Variants in ABCA12 observed in about 807,000 individuals in gnomAD.
ABCA12 encodes the protein ATP binding cassette subfamily A member 12, also known as glucosylceramide transporter ABCA12.
ABCA12 carries 156 observed loss-of-function variants against 293.5 expected under a neutral mutation model. The observed-to-expected ratio is 0.53, with a 90% confidence interval of 0.47 to 0.61. The LOEUF (loss-of-function observed/expected upper bound fraction) is 0.61, where lower values mean the gene tolerates loss of function less well. Ranked by LOEUF, ABCA12 falls within the 20% of genes least tolerant of loss-of-function variation. The pLI is 0.00. For synonymous variants in ABCA12, 1,063 were observed against 1,108.0 expected (o/e 0.96, Z 0.81); for missense variants, 2,797 against 3,090.2 (o/e 0.91, Z 2.25).
chr2:215,112,153 A>C (rs1468858725), intron 1 of ABCA12, among the ~76,000 whole-genome samples: 2 of 152,186 alleles, frequency 1.3e-5, no homozygotes, highest in Non-Finnish European at 2.9e-5. Context: ...TGGTGTGTGA[A>C]GTGGGTCATG....
chr2:215,113,888 CATT>C (rs1021667833), intron 1 of ABCA12, among the ~76,000 whole-genome samples: 1 of 152,180 alleles, frequency 6.6e-6, no homozygotes, highest in African/African-American at 2.4e-5. Flanking sequence ...TGTTTATACT[CATT>C]ACTACTTAAA....
intron 1 of ABCA12, among the ~76,000 whole-genome samples, chr2:215,134,822 A>G (rs1287433871): frequency 1.3e-5 from 2 of 151,330 alleles, no homozygotes; most frequent in Non-Finnish European, 3.0e-5. Context: ...TAATTTTTGT[A>G]TTTTTAAATA....
Position 214,990,950 on chromosome 2 carries a change from T to G in ABCA12, c.3376A>C (p.Ile1126Leu), listed in dbSNP as rs937745060. 20 of 1,613,922 alleles carry G rather than the reference T, an allele frequency of 1.2e-5. No individual in the cohort carries two copies. In the Admixed American group the frequency reaches 2.7e-4, roughly 22 times the overall value. Reference protein sequence around the residue: ...IESVGFLLVTIVILIIILKFG... With the variant: ...IESVGFLLVTLVILIIILKFG... ...TTGAGTATAATGATGAGGATCACGA[T>G]GGTAACCAGTAAAAATCCAACACTC... is the stretch of plus-strand genomic sequence containing the variant. The change falls in exon 24 of 53, where the codon ATC (isoleucine) becomes CTC (leucine). Residue 1126 changes from isoleucine (I) to leucine (L), a missense_variant. By Grantham distance (5) the Ile-to-Leu change is conservative. Coordinates refer to ENST00000272895, the MANE Select transcript of ABCA12 (RefSeq NM_173076.3).
chr2:215,060,688 T>C (rs752841298), intron 3 of ABCA12, among the ~76,000 whole-genome samples: 53 of 152,082 alleles, frequency 3.5e-4, no homozygotes, highest in Non-Finnish European at 6.3e-4. Context: ...TTCTCATCTA[T>C]ATAACCAAAT....
intron 39 of ABCA12, among the ~76,000 whole-genome samples, 177 bp from the exon 40 acceptor site, chr2:214,959,255 A>G (rs1699045260): frequency 6.6e-6 from 1 of 152,012 alleles, no homozygotes; most frequent in Admixed American, 6.6e-5. Context: ...AATGCCATAC[A>G]ATTGGTGGCA....
intron 28 of ABCA12, among the ~76,000 whole-genome samples, chr2:214,985,676 G>T (rs1021489362): frequency 1.3e-5 from 2 of 152,080 alleles, no homozygotes; most frequent in African/African-American, 4.8e-5. Context: ...GACCTCGTTT[G>T]TCCCCTTTTA....
chr2:215,046,012 A>T lies in ABCA12; in HGVS notation c.697T>A (p.Ser233Thr). The T allele has an allele frequency of 6.2e-7, 1 of 1,613,346 alleles. No individual in the cohort carries two copies. Among genetic ancestry groups the T allele is most frequent in the South Asian group, 1.1e-5 (1 of 91,050 alleles). The change falls in exon 7 of 53, where the codon TCC (serine) becomes ACC (threonine). Residue 233 changes from serine (S) to threonine (T), a missense_variant. Coordinates refer to ENST00000272895, the MANE Select transcript of ABCA12 (RefSeq NM_173076.3). ...QELNKQFSQLSSDPNNQKIVF... is the reference protein window; with the variant it reads ...QELNKQFSQLTSDPNNQKIVF... ...ATCTTCTGATTGTTGGGGTCACTGG[A>T]TAGCTTAAAATATAAAACCACAAAC...
At chr2:215,101,756 G>A (rs1237110359) in intron 2 of ABCA12, among the ~76,000 whole-genome samples, 3 of 152,122 alleles carry the variant, frequency 2.0e-5, no homozygotes, top group African/African-American at 7.2e-5. Context: ...AATCTGAAAA[G>A]AAAATGGAGG....
intron 36 of ABCA12, among the ~76,000 whole-genome samples, 155 bp downstream of exon 36, chr2:214,973,794 A>C (rs1429336487): frequency 1.3e-5 from 2 of 152,220 alleles, no homozygotes; most frequent in Admixed American, 1.3e-4. Flanking sequence ...GTTCAAAGTC[A>C]GTATTTTTTG....
At chr2:215,060,887 G>A (rs758243266) in intron 3 of ABCA12, among the ~76,000 whole-genome samples, 32 of 152,044 alleles carry the variant, frequency 2.1e-4, no homozygotes, top group African/African-American at 5.8e-4. Flanking sequence ...GCAGAGGTAC[G>A]AATTTAGAAG....
At chr2:215,039,791 AAGAAAC>A (rs1239512090) in intron 7 of ABCA12, among the ~76,000 whole-genome samples, 1 of 150,930 alleles carries the variant, frequency 6.6e-6, no homozygotes, top group African/African-American at 2.4e-5. Flanking sequence ...AATAAGTAAA[AAGAAAC>A]AGATGAAATT....
chr2:215,048,221 G>A (rs1701241736), intron 6 of ABCA12, among the ~76,000 whole-genome samples: 1 of 152,110 alleles, frequency 6.6e-6, no homozygotes, highest in African/African-American at 2.4e-5. Flanking sequence ...GTTAGTGGGA[G>A]TATAAATTAG....
chr2:215,091,702 TAAAG>T (rs1702150777), intron 2 of ABCA12, among the ~76,000 whole-genome samples: 1 of 152,150 alleles, frequency 6.6e-6, no homozygotes, highest in Non-Finnish European at 1.5e-5. Context: ...TGTACAATAA[TAAAG>T]AAGAGGCAGC....
chr2:214,959,580 T>C (rs746271363), intron 39 of ABCA12, among the ~76,000 whole-genome samples: 1 of 152,112 alleles, frequency 6.6e-6, no homozygotes, highest in Admixed American at 6.6e-5. Context: ...GACTCCTCCT[T>C]CCCCTTTATT....
intron 7 of ABCA12, among the ~76,000 whole-genome samples, chr2:215,041,462 G>A (rs1353493209): frequency 6.6e-6 from 1 of 150,412 alleles, no homozygotes; most frequent in Non-Finnish European, 1.5e-5. Context: ...TAAGGCAGAA[G>A]AATCGCTTGA....
chr2:214,998,287 T>C (rs1171974305), intron 22 of ABCA12, among the ~76,000 whole-genome samples: 1 of 152,170 alleles, frequency 6.6e-6, no homozygotes, highest in East Asian at 1.9e-4. Context: ...TTTCTAAAAA[T>C]GAAATAAAAT....
intron 11 of ABCA12, among the ~76,000 whole-genome samples, chr2:215,021,339 T>G (rs1446519044): frequency 2.0e-5 from 3 of 152,156 alleles, no homozygotes; most frequent in African/African-American, 7.2e-5. Context: ...TTTTTGTCTT[T>G]CAAAGTGCTT....
chr2:215,012,142 G>C lies in ABCA12; in HGVS notation c.1957-7C>G, dbSNP rs777092645. 1.2e-6 allele frequency: 2 copies of C among 1,613,132 alleles called. No homozygotes were observed. The highest frequency in any genetic ancestry group is 8.5e-7 in the Non-Finnish European group (1 of 1,179,458). On this transcript the variant is annotated splice_region_variant and splice_polypyrimidine_tract_variant and intron_variant, in intron 15 of 52. Coordinates refer to ENST00000272895, the MANE Select transcript of ABCA12 (RefSeq NM_173076.3). ...CTTTCCTCGGGAAAAACACCTAACA[G>C]AAACAGAATAAAAATAAATGCTTTA... is the stretch of plus-strand genomic sequence containing the variant.
At chr2:215,108,840 C>A (rs527854650) in intron 2 of ABCA12, among the ~76,000 whole-genome samples, 12 of 152,074 alleles carry the variant, frequency 7.9e-5, no homozygotes, top group African/African-American at 2.9e-4. Flanking sequence ...GAGGCCGAGG[C>A]GGTGGATCAC....
Sources: gnomAD v4.1 joint callset for allele counts (sites outside exome capture counted in the v4.1 genomes callset) on GRCh38, gnomAD v4.1.1 for gene constraint, MANE v1.5 for transcripts, NCBI Gene and HGNC (gene_info 2026-07-23, HGNC 2026-07-21) for gene names.